Variants in DCUN1D4 observed in about 807,000 individuals in gnomAD.
DCUN1D4 encodes the protein DCN1-like protein 4.
Under a neutral mutation model 47.9 loss-of-function variants are expected in DCUN1D4, and 22 were observed. The observed-to-expected ratio is 0.46, with a 90% CI of 0.33 to 0.66. DCUN1D4 has a LOEUF of 0.66. DCUN1D4 is among the 30% of genes least tolerant of loss of function. The pLI is 0.02. For synonymous variants in DCUN1D4, 121 were observed against 112.2 expected (o/e 1.08, Z -0.50); for missense variants, 301 against 340.8 (o/e 0.88, Z 0.92).
intron 1 of DCUN1D4, 142 bp from the exon 2 acceptor site, chr4:51,863,295 A>T (rs1725361916): frequency 1.5e-6 from 1 of 686,510 alleles, no homozygotes; most frequent in Non-Finnish European, 2.5e-6. Flanking sequence ...GAGGTCACTA[A>T]TTGCATGTTT....
intron 1 of DCUN1D4, among the ~76,000 whole-genome samples, chr4:51,846,853 C>T (rs1014863678): frequency 2.0e-5 from 3 of 152,116 alleles, no homozygotes; most frequent in Admixed American, 6.5e-5. Context: ...AGCTTTTATT[C>T]CTCAGGCTCA....
chr4:51,890,062 G>A lies in DCUN1D4; in HGVS notation c.415-1698G>A, dbSNP rs551787730. 8.4e-5 allele frequency among the ~76,000 whole-genome samples: 12 copies of A among 142,394 alleles called. No individual in the cohort carries two copies. In the South Asian group the frequency reaches 2.8e-3, roughly 33 times the overall value. The allele number at this position is 142,394 out of a possible 152,430, so 93.4% of individuals were successfully genotyped here. On this transcript the variant is annotated intron_variant, in intron 6 of 10. Coordinates refer to ENST00000334635, the MANE Select transcript of DCUN1D4 (RefSeq NM_001040402.3). Reference sequence around the variant, plus strand: ...TCCAGTGAGGAAAACCATAAAGTCAGCATCAAGCGAAAGCTTCTCCTTAAC... The same window carrying A: ...TCCAGTGAGGAAAACCATAAAGTCAACATCAAGCGAAAGCTTCTCCTTAAC...
intron 8 of DCUN1D4, among the ~76,000 whole-genome samples, chr4:51,901,315 G>A (rs1021782756): frequency 2.0e-5 from 3 of 152,160 alleles, no homozygotes; most frequent in African/African-American, 7.2e-5. Context: ...GTAAGAAAGT[G>A]CGCTTCAGCA....
At chr4:51,886,738 TGTTA>T (rs1469570372) in intron 6 of DCUN1D4, 100 bp downstream of exon 6, 6 of 1,000,620 alleles carry the variant, frequency 6.0e-6, no homozygotes, top group African/African-American at 1.7e-5. Context: ...AGTAGTGGTA[TGTTA>T]GTTTTTATGA....
rs1190008874 is a variant in DCUN1D4, at chr4:51,911,077, A to G, written c.623A>G (p.Asp208Gly). The change falls in exon 9 of 11, where the codon GAC becomes GGC. Residue 208 changes from aspartate to glycine, a missense_variant. Coordinates refer to ENST00000334635, the MANE Select transcript of DCUN1D4 (RefSeq NM_001040402.3). ...RYAFDFAREKDQRSLDINTAK... is the reference protein window; with the variant it reads ...RYAFDFAREKGQRSLDINTAK... ...TTTTTGTTTGTTAAACAGGAAAAGG[A>G]CCAGCGCAGCCTAGACATAAACACT... 3 of 1,613,654 alleles carry G rather than the reference A, an allele frequency of 1.9e-6. No individual in the cohort carries two copies. Among genetic ancestry groups the G allele is most frequent in the African/African-American group, 1.3e-5 (1 of 74,888 alleles).
intron 5 of DCUN1D4, among the ~76,000 whole-genome samples, chr4:51,886,360 G>GGT (rs1162510051): frequency 6.6e-6 from 1 of 152,156 alleles, no homozygotes; most frequent in Non-Finnish European, 1.5e-5. Context: ...TGAAGGACAT[G>GGT]GTGATAAGTT....
chr4:51,895,358 TG>T (rs1731079729), intron 7 of DCUN1D4, among the ~76,000 whole-genome samples: 1 of 151,936 alleles, frequency 6.6e-6, no homozygotes, highest in Admixed American at 6.6e-5. Flanking sequence ...GGCTTATGCC[TG>T]GGCTCTCAGA....
chr4:51,859,938 T>C (rs1484515244), intron 1 of DCUN1D4, among the ~76,000 whole-genome samples: 1 of 152,166 alleles, frequency 6.6e-6, no homozygotes, highest in East Asian at 1.9e-4. Flanking sequence ...CAATCAGTGC[T>C]TTCCAGAATA....
chr4:51,876,062 T>G (rs1379971271), intron 4 of DCUN1D4, among the ~76,000 whole-genome samples: 1 of 152,130 alleles, frequency 6.6e-6, no homozygotes, highest in East Asian at 1.9e-4. Context: ...ATTATAACCA[T>G]GTACTTTTTT....
intron 6 of DCUN1D4, among the ~76,000 whole-genome samples, chr4:51,890,994 T>C (rs1730333762): frequency 1.3e-5 from 2 of 152,186 alleles, no homozygotes; most frequent in South Asian, 2.1e-4. Flanking sequence ...CCTTTACAAG[T>C]GATGACACCA....
chr4:51,843,810 G>GT (rs1455134776), intron 1 of DCUN1D4: 1 of 107,598 alleles, frequency 9.3e-6, no homozygotes, highest in African/African-American at 3.7e-5. Flanking sequence ...GGGGTGGGGG[G>GT]GGGGCGGCGA....
chr4:51,884,995 T>A (rs1729233570), intron 5 of DCUN1D4: 1 of 152,116 alleles, frequency 6.6e-6, no homozygotes, highest in Non-Finnish European at 1.5e-5. Flanking sequence ...TTTTTTTTCA[T>A]CCAGCAATAT....
intron 3 of DCUN1D4, among the ~76,000 whole-genome samples, chr4:51,871,514 A>C (rs948244827): frequency 6.6e-6 from 1 of 152,196 alleles, no homozygotes; most frequent in Non-Finnish European, 1.5e-5. Context: ...TTATGGATTG[A>C]GGCGATAAGT....
chr4:51,869,640 C>T (rs960569311), intron 3 of DCUN1D4, among the ~76,000 whole-genome samples: 1 of 152,078 alleles, frequency 6.6e-6, no homozygotes, highest in African/African-American at 2.4e-5. Context: ...TACTTAGGCA[C>T]TATTTGTTAA....
chr4:51,839,036 C>T (rs1721564982), upstream of DCUN1D4, among the ~76,000 whole-genome samples: 1 of 151,922 alleles, frequency 6.6e-6, no homozygotes, highest in African/African-American at 2.4e-5. Context: ...GATCCCACCA[C>T]TGCACTCCAG....
chr4:51,854,927 G>A (rs1214714140), intron 1 of DCUN1D4, among the ~76,000 whole-genome samples: 1 of 152,112 alleles, frequency 6.6e-6, no homozygotes, highest in East Asian at 1.9e-4. Context: ...TTTTGGATTA[G>A]GAATGTTCAG....
At chr4:51,851,631 A>T (rs1396656972) in intron 1 of DCUN1D4, among the ~76,000 whole-genome samples, 1 of 152,016 alleles carries the variant, frequency 6.6e-6, no homozygotes, top group Non-Finnish European at 1.5e-5. Context: ...GTGGAAAGGA[A>T]CTGAGAGAAG....
At chr4:51,909,449 C>T (rs1368675085) in intron 8 of DCUN1D4, 1 of 158,868 alleles carries the variant, frequency 6.3e-6, no homozygotes, top group Non-Finnish European at 1.4e-5. Context: ...ACCTGTGTTA[C>T]AGGGTAAGAG....
At chr4:51,843,482 G>C in intron 1 of DCUN1D4, 1 of 1,263,796 alleles carries the variant, frequency 7.9e-7, no homozygotes, top group Non-Finnish European at 1.0e-6. Context: ...CCGGCCTGCG[G>C]GGAGGGCGGA....
Sources: allele counts gnomAD v4.1 joint callset (sites outside exome capture counted in the v4.1 genomes callset), GRCh38; gene constraint gnomAD v4.1.1; transcripts MANE v1.5; gene names NCBI Gene and HGNC (gene_info 2026-07-23, HGNC 2026-07-21).